TRPM3: variants seen among roughly 807,000 people sequenced by gnomAD.
TRPM3 encodes long transient receptor potential channel 3.
TRPM3 carries 77 observed loss-of-function variants against 181.2 expected under a neutral mutation model. That is an observed-to-expected ratio of 0.42 (90% CI 0.35 to 0.51). The LOEUF (loss-of-function observed/expected upper bound fraction) is 0.51. Ranked by LOEUF, TRPM3 falls within the 20% of genes least tolerant of loss-of-function variation. The pLI is 0.01. For synonymous variants in TRPM3, 745 were observed against 796.4 expected (o/e 0.94, Z 1.09); for missense variants, 1,759 against 2,196.7 (o/e 0.80, Z 3.98).
chr9:70,634,723 A>G (rs7039530), intron 12 of TRPM3, among the ~76,000 whole-genome samples: 116,988 of 152,062 alleles, frequency 0.77, 46,585 homozygotes, highest in East Asian at 0.92. Context: ...TTCTGGAAAA[A>G]ATAGAATGTT....
At chr9:70,974,635 G>A (rs965774245) in intron 1 of TRPM3, among the ~76,000 whole-genome samples, 3 of 151,454 alleles carry the variant, frequency 2.0e-5, no homozygotes, top group South Asian at 2.1e-4. Flanking sequence ...AGGATGAGGC[G>A]GGAGAATCGC....
chr9:71,304,968 G>A (rs2087133010), intron 1 of TRPM3, among the ~76,000 whole-genome samples: 1 of 152,082 alleles, frequency 6.6e-6, no homozygotes, highest in South Asian at 2.1e-4. Context: ...TTTTTTAGTA[G>A]GTACTAAGCT....
chr9:71,144,088 T>G (rs570470024), intron 1 of TRPM3, among the ~76,000 whole-genome samples: 2 of 152,158 alleles, frequency 1.3e-5, no homozygotes, highest in Admixed American at 1.3e-4. Flanking sequence ...ATCTAGTTTT[T>G]CTCTATGTCT....
intron 22 of TRPM3, among the ~76,000 whole-genome samples, chr9:70,557,457 T>G (rs975770705): frequency 6.6e-6 from 1 of 152,252 alleles, no homozygotes; most frequent in African/African-American, 2.4e-5. Context: ...TAATGGTTTC[T>G]AATGATGTCC....
intron 3 of TRPM3, among the ~76,000 whole-genome samples, chr9:70,861,342 G>A (rs2095514660): frequency 1.3e-5 from 2 of 152,106 alleles, no homozygotes; most frequent in South Asian, 4.1e-4. Context: ...CTCCTAAGGT[G>A]ACAACTTTGA....
chr9:70,749,739 C>G (rs775741950), intron 8 of TRPM3, among the ~76,000 whole-genome samples: 1 of 152,162 alleles, frequency 6.6e-6, no homozygotes, highest in Non-Finnish European at 1.5e-5. Flanking sequence ...GAGAAGGCAA[C>G]AAATTGGTAT....
intron 21 of TRPM3, 67 bp downstream of exon 21, chr9:70,598,352 C>T (rs2059359719): frequency 6.4e-7 from 1 of 1,564,994 alleles, no homozygotes; most frequent in Admixed American, 1.8e-5. Flanking sequence ...TGAATTATTT[C>T]CCTCTATCTA....
chr9:71,089,946 T>C (rs191411574), intron 1 of TRPM3, among the ~76,000 whole-genome samples: 311 of 152,266 alleles, frequency 2.0e-3, no homozygotes, highest in Non-Finnish European at 2.9e-3. Context: ...ACACTTAAGA[T>C]AGCTGATGAG....
chr9:70,623,301 G>A (rs2063917526), intron 14 of TRPM3, among the ~76,000 whole-genome samples: 1 of 151,482 alleles, frequency 6.6e-6, no homozygotes, highest in Admixed American at 6.6e-5. Context: ...GGGAGGTGGA[G>A]GTTGTAGTGA....
chr9:70,692,218 T>C (rs1021041701), intron 8 of TRPM3, among the ~76,000 whole-genome samples: 2 of 152,238 alleles, frequency 1.3e-5, no homozygotes, highest in African/African-American at 2.4e-5. Flanking sequence ...ACATAATTTT[T>C]AATGTTTGCA....
In TRPM3 at chr9:70,988,342, G is replaced by A. The variant is rs114702155; in HGVS notation, c.178-123831C>T. Among the ~76,000 whole-genome samples, 1,448 of 152,252 alleles carry A rather than the reference G, an allele frequency of 9.5e-3. 29 individuals carry two copies. The highest frequency in any genetic ancestry group is 0.032 in the African/African-American group (1,330 of 41,550). Reference sequence around the variant, plus strand: ...AATCTTGCCTGGTTGTTTTCTAGCTGTGTAACCTAAGAAGCCTTCATTGTC... The same window carrying A: ...AATCTTGCCTGGTTGTTTTCTAGCTATGTAACCTAAGAAGCCTTCATTGTC... On this transcript the variant is annotated intron_variant, in intron 1 of 25. Transcript: ENST00000677713.
intron 7 of TRPM3, among the ~76,000 whole-genome samples, chr9:70,773,255 C>T (rs2080693203): frequency 6.6e-6 from 1 of 152,178 alleles, no homozygotes; most frequent in Non-Finnish European, 1.5e-5. Flanking sequence ...AGGGCCTAAG[C>T]TCCAGCTCCA....
At chr9:70,820,717 T>C (rs554269925) in intron 6 of TRPM3, among the ~76,000 whole-genome samples, 1 of 152,274 alleles carries the variant, frequency 6.6e-6, no homozygotes, top group South Asian at 2.1e-4. Flanking sequence ...TCGACTCCTT[T>C]AATCACAACG....
chr9:70,766,356 T>A (rs1178557325), intron 7 of TRPM3, among the ~76,000 whole-genome samples: 1 of 152,152 alleles, frequency 6.6e-6, no homozygotes, highest in Admixed American at 6.6e-5. Context: ...TTCCTAGATT[T>A]AAAAATTAGG....
chr9:71,000,962 A>G (rs142970192), intron 1 of TRPM3, among the ~76,000 whole-genome samples: 1,760 of 152,314 alleles, frequency 0.012, 18 homozygotes, highest in Non-Finnish European at 0.017. Context: ...ATAACAACCA[A>G]AACACCTTTT....
At chr9:71,116,884 C>T (rs913019847) in intron 1 of TRPM3, among the ~76,000 whole-genome samples, 2 of 152,162 alleles carry the variant, frequency 1.3e-5, no homozygotes, top group African/African-American at 4.8e-5. Flanking sequence ...CTCCATGGGG[C>T]TCATCCTCAT....
intron 21 of TRPM3, among the ~76,000 whole-genome samples, chr9:70,594,940 A>T (rs1350362128): frequency 6.6e-6 from 1 of 152,168 alleles, no homozygotes; most frequent in African/African-American, 2.4e-5. Flanking sequence ...TCAGTGCATC[A>T]ATTATTGAAC....
chr9:70,618,238 G>A (rs1461454614), intron 17 of TRPM3, among the ~76,000 whole-genome samples: 2 of 152,152 alleles, frequency 1.3e-5, no homozygotes, highest in South Asian at 2.1e-4. Flanking sequence ...TAACCACTGC[G>A]GACAATTTAC....
At chr9:70,958,594 G>T (rs7045974) in intron 1 of TRPM3, among the ~76,000 whole-genome samples, 117,584 of 152,016 alleles carry the variant, frequency 0.77, 45,880 homozygotes, top group African/African-American at 0.84. Context: ...AGGAAGTCAA[G>T]GTGGTGATTC....
Sources: allele counts gnomAD v4.1 joint callset (sites outside exome capture counted in the v4.1 genomes callset), GRCh38; gene constraint gnomAD v4.1.1; transcripts MANE v1.5; gene names NCBI Gene and HGNC (gene_info 2026-07-23, HGNC 2026-07-21).